The following MEMO1 variants were observed in gnomAD, a reference collection of about 807,000 sequenced individuals.
The protein encoded by MEMO1 is protein MEMO1.
MEMO1 carries 6 observed loss-of-function variants against 45.2 expected under a neutral mutation model. The observed-to-expected ratio is 0.13, with a 90% CI of 0.07 to 0.26. The LOEUF (loss-of-function observed/expected upper bound fraction) is 0.26. Ranked by LOEUF, MEMO1 falls within the 10% of genes least tolerant of loss-of-function variation. MEMO1 has a pLI of 1.00. For missense variants in MEMO1, 184 were observed against 370.5 expected (o/e 0.50, Z 4.13); for synonymous variants, 78 against 124.3 (o/e 0.63, Z 2.48).
chr2:31,904,783 G>A (rs1485802166), intron 6 of MEMO1, among the ~76,000 whole-genome samples: 1 of 152,184 alleles, frequency 6.6e-6, no homozygotes, highest in Admixed American at 6.5e-5. Context: ...TAAAGGCAAA[G>A]TGATATAAAA....
At chr2:31,977,881 T>G (rs1670189237) in intron 2 of MEMO1, among the ~76,000 whole-genome samples, 1 of 152,182 alleles carries the variant, frequency 6.6e-6, no homozygotes, top group Non-Finnish European at 1.5e-5. Context: ...GTAGTATGAG[T>G]TAAATTATTT....
intron 2 of MEMO1, among the ~76,000 whole-genome samples, chr2:32,000,474 C>CCCGCCTCGGCCT (rs1254835171): frequency 6.6e-6 from 1 of 152,130 alleles, no homozygotes; most frequent in Non-Finnish European, 1.5e-5. Context: ...TCGTGATCCG[C>CCCGCCTCGGCCT]CCGCCTCGGC....
chr2:31,896,651 A>G (rs1349095990), intron 6 of MEMO1, among the ~76,000 whole-genome samples: 1 of 152,172 alleles, frequency 6.6e-6, no homozygotes, highest in Admixed American at 6.5e-5. Context: ...CAGAATCTAT[A>G]CAAGAAAAAA....
chr2:31,947,841 A>C (rs1666365390), intron 2 of MEMO1, among the ~76,000 whole-genome samples: 1 of 152,194 alleles, frequency 6.6e-6, no homozygotes, highest in Non-Finnish European at 1.5e-5. Flanking sequence ...CTGCTTTTCA[A>C]GAATTCCCTT....
intron 3 of MEMO1, among the ~76,000 whole-genome samples, chr2:31,938,564 C>A (rs957815820): frequency 6.6e-6 from 1 of 151,806 alleles, no homozygotes; most frequent in African/African-American, 2.4e-5. Flanking sequence ...AGGAGAATGG[C>A]GTGAACCCGG....
At chr2:31,946,069 T>C (rs1465372557) in intron 2 of MEMO1, among the ~76,000 whole-genome samples, 1 of 152,224 alleles carries the variant, frequency 6.6e-6, no homozygotes, top group African/African-American at 2.4e-5. Flanking sequence ...TTGTTTCCTT[T>C]TTCTTCTACC....
At chr2:31,928,096 A>C (rs1316654698) in intron 4 of MEMO1, among the ~76,000 whole-genome samples, 2 of 152,240 alleles carry the variant, frequency 1.3e-5, no homozygotes, top group African/African-American at 4.8e-5. Flanking sequence ...TAATTTATTC[A>C]TCCATTTCTC....
At chr2:31,966,732 C>CAAAAAAAAGAA (rs1668658507) in intron 2 of MEMO1, among the ~76,000 whole-genome samples, 1 of 117,842 alleles carries the variant, frequency 8.5e-6, no homozygotes, top group Admixed American at 1.0e-4. Flanking sequence ...GACTCTGTCT[C>CAAAAAAAAGAA]AAAAAAAAAA....
chr2:31,896,199 T>C (rs1345996164), intron 6 of MEMO1, among the ~76,000 whole-genome samples: 1 of 152,132 alleles, frequency 6.6e-6, no homozygotes, highest in African/African-American at 2.4e-5. Flanking sequence ...TAGGAGAGTT[T>C]TTAACAAATA....
chr2:31,942,101 A>G (rs893546651), intron 3 of MEMO1, among the ~76,000 whole-genome samples: 1 of 152,238 alleles, frequency 6.6e-6, no homozygotes, highest in African/African-American at 2.4e-5. Flanking sequence ...GAAGGTTAGC[A>G]CTGGAAACCA....
chr2:31,978,460 T>C (rs1202846733), intron 2 of MEMO1, among the ~76,000 whole-genome samples: 1 of 152,232 alleles, frequency 6.6e-6, no homozygotes, highest in Admixed American at 6.5e-5. Flanking sequence ...AAATGTTGGC[T>C]ATAATTATTA....
intron 6 of MEMO1, 70 bp from the exon 7 acceptor site, chr2:31,892,204 C>T (rs1376990554): frequency 7.2e-7 from 1 of 1,383,340 alleles, no homozygotes; most frequent in Non-Finnish European, 1.0e-6. Context: ...AATGTGTTGG[C>T]ATTAGAAAGT....
At chr2:31,985,784 A>T (rs1202095972) in intron 2 of MEMO1, among the ~76,000 whole-genome samples, 2 of 152,224 alleles carry the variant, frequency 1.3e-5, no homozygotes, top group African/African-American at 2.4e-5. Flanking sequence ...TGTTTAACTT[A>T]ATAATCTAGC....
intron 4 of MEMO1, among the ~76,000 whole-genome samples, chr2:31,928,743 G>A (rs943822361): frequency 3.3e-5 from 5 of 151,868 alleles, no homozygotes; most frequent in Non-Finnish European, 7.4e-5. Context: ...GAAAACACAT[G>A]CAAACTATTA....
At chr2:31,928,903 A>G (rs1683526833) in intron 4 of MEMO1, among the ~76,000 whole-genome samples, 1 of 152,198 alleles carries the variant, frequency 6.6e-6, no homozygotes, top group African/African-American at 2.4e-5. Context: ...AGAAAACCTA[A>G]CACATTTAAC....
At chr2:31,934,739 G>C (rs1664707297) in intron 3 of MEMO1, among the ~76,000 whole-genome samples, 1 of 152,060 alleles carries the variant, frequency 6.6e-6, no homozygotes, top group African/African-American at 2.4e-5. Context: ...CTTGGGCAGG[G>C]GTGTGACAAT....
intron 2 of MEMO1, among the ~76,000 whole-genome samples, chr2:32,005,178 G>C (rs1279705678): frequency 2.6e-5 from 4 of 151,956 alleles, no homozygotes; most frequent in Non-Finnish European, 5.9e-5. Flanking sequence ...AAAGGAGCCA[G>C]GTGCAGTGGC....
rs940188445 is a variant in MEMO1, at chr2:31,932,138, A to G, written c.144-3T>C. 2 of 1,610,904 alleles carry G rather than the reference A, an allele frequency of 1.2e-6. No homozygotes were observed. Among genetic ancestry groups the G allele is most frequent in the African/African-American group, 2.7e-5 (2 of 74,860 alleles). ...CACAGTACGTATATCCTGCATGGCT[A>G]CAAAACAAAATATTTTTAAACTTAA... On this transcript the variant is annotated splice_polypyrimidine_tract_variant and splice_region_variant and intron_variant, in intron 3 of 9. Coordinates refer to ENST00000404530, the MANE Select transcript of MEMO1 (RefSeq NM_001301833.4).
At position 31,892,154 on chromosome 2, in the gene MEMO1, A is replaced by T; in HGVS notation, c.438-20T>A. The T allele has an allele frequency of 6.4e-7, 1 of 1,564,344 alleles. No individual in the cohort carries two copies. Among genetic ancestry groups the T allele is most frequent in the Non-Finnish European group, 8.6e-7 (1 of 1,159,666 alleles). On this transcript the variant is annotated intron_variant, in intron 6 of 9. Transcript: ENST00000404530. Reference sequence around the variant, plus strand: ...TTATGGCTTAAAGAAAACAGAAAAAAAAAAAATGTCATTTAAGATGCTTAA... The same window carrying T: ...TTATGGCTTAAAGAAAACAGAAAAATAAAAAATGTCATTTAAGATGCTTAA...
Sources: gnomAD v4.1 joint callset for allele counts (sites outside exome capture counted in the v4.1 genomes callset) on GRCh38, gnomAD v4.1.1 for gene constraint, MANE v1.5 for transcripts, NCBI Gene and HGNC (gene_info 2026-07-23, HGNC 2026-07-21) for gene names.